The following CACNA2D4 variants were observed in gnomAD, a reference collection of about 807,000 sequenced individuals.
CACNA2D4 encodes the protein voltage-dependent calcium channel subunit alpha-2/delta-4.
A neutral mutation model predicts 163.8 loss-of-function variants in CACNA2D4; 157 were observed. The observed-to-expected ratio is 0.96, with a 90% CI of 0.84 to 1.09. The LOEUF (loss-of-function observed/expected upper bound fraction) is 1.09, where lower values mean the gene tolerates loss of function less well. CACNA2D4 is among the 50% of genes least tolerant of loss of function. CACNA2D4 has a pLI of 0.00. For missense variants in CACNA2D4, 1,410 were observed against 1,479.9 expected (o/e 0.95, Z 0.78); for synonymous variants, 598 against 586.9 (o/e 1.02, Z -0.27).
Position 1,846,601 on chromosome 12 carries a change from A to G in CACNA2D4, c.2335T>C (p.Ser779Pro). The G allele has an allele frequency of 6.3e-7, 1 of 1,596,154 alleles. No individual in the cohort carries two copies. Residue 779 changes from serine (S) to proline (P), a missense_variant, in exon 24 of 38, where the codon TCC (serine) becomes CCC (proline). Ser to Pro is a moderately conservative substitution (Grantham distance 74, BLOSUM62 -1). Transcript: ENST00000382722. ...GTGGCCGGCCCAACCCACCTGTCGG[A>G]GACCTTCTCGGAGCCCACGAACAAG... ...SSLFVGSEKV[S>P]DRKFLTPEDE... is the part of the protein sequence containing the mutation.
intron 1 of CACNA2D4, 170 bp downstream of exon 1, chr12:1,918,077 C>G: frequency 1.7e-6 from 1 of 604,454 alleles, no homozygotes; most frequent in South Asian, 2.1e-5. Flanking sequence ...AAGAGGAGGC[C>G]GGAGAAGCAA....
intron 18 of CACNA2D4, among the ~76,000 whole-genome samples, chr12:1,865,139 G>A (rs1865617438): frequency 6.6e-6 from 1 of 152,232 alleles, no homozygotes; most frequent in Non-Finnish European, 1.5e-5. Flanking sequence ...CCACGGAGGG[G>A]AGAAGGGGCT....
intron 2 of CACNA2D4, among the ~76,000 whole-genome samples, chr12:1,914,468 C>T (rs1018234580): frequency 5.3e-5 from 8 of 152,126 alleles, no homozygotes; most frequent in Admixed American, 2.0e-4. Context: ...TTCTACGGCC[C>T]GAGCAGCTTC....
chr12:1,901,168 A>G (rs1432502634), intron 6 of CACNA2D4, among the ~76,000 whole-genome samples: 3 of 152,152 alleles, frequency 2.0e-5, no homozygotes, highest in Admixed American at 6.5e-5. Context: ...ATGGAAACAC[A>G]ACATACTAAA....
chr12:1,904,832 T>C (rs997891009), intron 6 of CACNA2D4, among the ~76,000 whole-genome samples: 8 of 151,682 alleles, frequency 5.3e-5, no homozygotes, highest in Admixed American at 4.6e-4. Flanking sequence ...ATGCAGAAAA[T>C]GATGGACAAA....
intron 14 of CACNA2D4, 58 bp from the exon 15 acceptor site, chr12:1,879,094 A>T (rs372804198): frequency 2.0e-4 from 288 of 1,424,882 alleles, no homozygotes; most frequent in Non-Finnish European, 2.8e-4. Context: ...ACAAGGTTAG[A>T]CTGGACCCTG....
intron 26 of CACNA2D4, among the ~76,000 whole-genome samples, chr12:1,839,253 C>G (rs1235100328): frequency 2.6e-5 from 4 of 152,232 alleles, no homozygotes; most frequent in Non-Finnish European, 4.4e-5. Context: ...GTTCACGGAG[C>G]CAGGATGGCT....
intron 26 of CACNA2D4, among the ~76,000 whole-genome samples, chr12:1,832,285 G>A (rs904477905): frequency 6.6e-5 from 10 of 152,216 alleles, no homozygotes; most frequent in Non-Finnish European, 1.3e-4. Context: ...CGCTGTGGCA[G>A]GGCCTGGTCT....
Position 1,875,403 on chromosome 12 carries a change from C to T in CACNA2D4, c.1720-66G>A. The T allele has an allele frequency of 1.0e-6, 1 of 992,506 alleles. No individual in the cohort carries two copies. The highest frequency in any genetic ancestry group is 2.1e-4 in the Middle Eastern group (1 of 4,834). 61.5% of individuals were successfully genotyped at this position (992,506 alleles called of 1,614,324 possible). ...TACGTCCTGCTCAAGTTTATCTCTTCTACAAAGCCTTTCAGGTATATTCAT... is the reference window on the plus strand; with the variant it reads ...TACGTCCTGCTCAAGTTTATCTCTTTTACAAAGCCTTTCAGGTATATTCAT... On this transcript the variant is annotated intron_variant, in intron 16 of 37. Coordinates refer to ENST00000382722, the MANE Select transcript of CACNA2D4 (RefSeq NM_172364.5). The surrounding 1 kb of genome is among the most constrained non-coding windows in gnomAD (Gnocchi z 4.0).
In CACNA2D4 at chr12:1,798,802, G is replaced by A. The variant is rs1863213805; in HGVS notation, c.2995+873C>T. On this transcript the variant is annotated intron_variant, in intron 34 of 37. Coordinates refer to ENST00000382722, the MANE Select transcript of CACNA2D4 (RefSeq NM_172364.5). The surrounding 1 kb of genome is among the most constrained non-coding windows in gnomAD (Gnocchi z 4.3). ...GATGCAGCTGCTGACAGAGACAGAGGGGACAGTGTCCTGTCACTGACACCT... is the reference window on the plus strand; with the variant it reads ...GATGCAGCTGCTGACAGAGACAGAGAGGACAGTGTCCTGTCACTGACACCT... 6.6e-6 allele frequency among the ~76,000 whole-genome samples: 1 copy of A among 152,126 alleles called. No homozygotes were observed. Among genetic ancestry groups the A allele is most frequent in the South Asian group, 2.1e-4 (1 of 4,824 alleles).
chr12:1,901,692 A>C (rs1241017882), intron 6 of CACNA2D4, among the ~76,000 whole-genome samples: 1 of 152,160 alleles, frequency 6.6e-6, no homozygotes, highest in Non-Finnish European at 1.5e-5. Flanking sequence ...TATTGAAGTC[A>C]TTATAAAAAG....
intron 10 of CACNA2D4, 46 bp downstream of exon 10, chr12:1,884,941 G>A (rs371524846): frequency 1.2e-4 from 197 of 1,598,188 alleles, no homozygotes; most frequent in Non-Finnish European, 1.6e-4. Flanking sequence ...TCCACCTGCC[G>A]CCTTCCTCCC....
Position 1,834,670 on chromosome 12 carries a change from G to T in CACNA2D4, c.2551+6069C>A, listed in dbSNP as rs1296228468. On this transcript the variant is annotated intron_variant, in intron 26 of 37. Coordinates refer to ENST00000382722, the MANE Select transcript of CACNA2D4 (RefSeq NM_172364.5). This position sits in a 1 kb window ranked among gnomAD's most constrained non-coding sequence, Gnocchi z 7.6. ...TCAAAAAGCGCCAGCCCCTGATGGG[G>T]GACCCCGAGGGCGAGCACGAGGACC... is the stretch of plus-strand genomic sequence containing the variant. 6 of 1,601,618 alleles carry T rather than the reference G, an allele frequency of 3.7e-6. No homozygotes were observed. The highest frequency in any genetic ancestry group is 5.1e-6 in the Non-Finnish European group (6 of 1,179,544).
In CACNA2D4 at chr12:1,874,733, T is replaced by C. The variant is rs1179988028; in HGVS notation, c.1807-58A>G. 3.1e-6 allele frequency: 4 copies of C among 1,279,770 alleles called. No homozygotes were observed. In the East Asian group the frequency reaches 6.9e-5, roughly 22 times the overall value. 79.3% of individuals were successfully genotyped at this position (1,279,770 alleles called of 1,614,324 possible). A position where few individuals can be genotyped will look rare whatever the true frequency, so the allele number is the denominator to read the frequency against. On this transcript the variant is annotated intron_variant, in intron 17 of 37. Transcript: ENST00000382722. The surrounding 1 kb of genome is among the most constrained non-coding windows in gnomAD (Gnocchi z 4.4). ...TGGCTCACAGGGGATGGTGAAAGTATGGCATTCTTCAGACCAGATTAGAGG... is the reference window on the plus strand; with the variant it reads ...TGGCTCACAGGGGATGGTGAAAGTACGGCATTCTTCAGACCAGATTAGAGG...
Position 1,886,313 on chromosome 12 carries a change from A to G in CACNA2D4, c.903T>C (p.Ser301=), listed in dbSNP as rs762681226. ...DIVILVDVSG[S]MKGLRMTIAK... ...CAATAGTCATCCTCAGCCCCTTCAT[A>G]CTGCCGCTCACGTCCACCAAAATCA... is the stretch of plus-strand genomic sequence containing the variant. Residue 301 remains serine, a synonymous_variant, in exon 8 of 38, where the codon AGT becomes AGC. Coordinates refer to ENST00000382722, the MANE Select transcript of CACNA2D4 (RefSeq NM_172364.5). 6 of 1,613,742 alleles carry G rather than the reference A, an allele frequency of 3.7e-6. No individual in the cohort carries two copies. The Admixed American group carries it at 1.0e-4, about 27-fold the overall frequency.
In CACNA2D4 at chr12:1,807,811, G is replaced by A. The variant is rs550646496; in HGVS notation, c.2721+2467C>T. On this transcript the variant is annotated intron_variant, in intron 29 of 37. Transcript: ENST00000382722. ...AGGAACTGGGCCCTGATCACAGTGG[G>A]GGAGCAAGGGTGAGCCAAGCACGGC... is the stretch of plus-strand genomic sequence containing the variant. Among the ~76,000 whole-genome samples the A allele has an allele frequency of 4.4e-4, 67 of 152,148 alleles. 1 individual carries two copies. The highest frequency in any genetic ancestry group is 7.1e-4 in the Non-Finnish European group (48 of 68,026).
intron 6 of CACNA2D4, among the ~76,000 whole-genome samples, chr12:1,903,957 T>C (rs1418851492): frequency 6.6e-6 from 1 of 152,078 alleles, no homozygotes; most frequent in Non-Finnish European, 1.5e-5. Flanking sequence ...TAGCCAAGAT[T>C]TGTAAACAAT....
Position 1,810,708 on chromosome 12 carries a change from G to A in CACNA2D4, c.2614-121C>T. On this transcript the variant is annotated intron_variant, in intron 27 of 37. Coordinates refer to ENST00000382722, the MANE Select transcript of CACNA2D4 (RefSeq NM_172364.5). ...GTGTGTGCATGTGTGCATGGGGTGT[G>A]TATCTGCACATGGAGGGCACCTGTG... 3 of 1,004,608 alleles carry A rather than the reference G, an allele frequency of 3.0e-6. No homozygotes were observed. The South Asian group carries it at 4.2e-5, about 14-fold the overall frequency. 62.2% of individuals were successfully genotyped at this position (1,004,608 alleles called of 1,614,324 possible). A position where few individuals can be genotyped will look rare whatever the true frequency, so the allele number is the denominator to read the frequency against.
chr12:1,856,339 C>G, intron 20 of CACNA2D4, 110 bp from the exon 21 acceptor site: 1 of 1,168,016 alleles, frequency 8.6e-7, no homozygotes, highest in Non-Finnish European at 1.3e-6. Flanking sequence ...GGACTGGGGT[C>G]TGTTCTTTCT....
Sources: allele counts gnomAD v4.1 joint callset (sites outside exome capture counted in the v4.1 genomes callset), GRCh38; gene constraint gnomAD v4.1.1; non-coding constraint Gnocchi (gnomAD v3.1); transcripts MANE v1.5; gene names NCBI Gene and HGNC (gene_info 2026-07-23, HGNC 2026-07-21).